C1orf198: variants seen among roughly 807,000 people sequenced by gnomAD.
The protein encoded by C1orf198 is uncharacterized protein C1orf198.
In C1orf198, 17 loss-of-function variants were observed where a neutral mutation model predicts 31.4. That is an observed-to-expected ratio of 0.54 (90% CI 0.37 to 0.81). The LOEUF (loss-of-function observed/expected upper bound fraction) is 0.81, where lower values mean the gene tolerates loss of function less well. Among genes scored for constraint, C1orf198 ranks in the 40% least tolerant of loss-of-function variants. The probability of loss-of-function intolerance (pLI) is 0.00; values close to 1 mark genes in which losing one functional copy is unlikely to be tolerated. For synonymous variants in C1orf198, 175 were observed against 193.8 expected (o/e 0.90, Z 0.81); for missense variants, 401 against 450.3 (o/e 0.89, Z 0.99).
intron 1 of C1orf198, among the ~76,000 whole-genome samples, chr1:230,863,738 C>T (rs1419976719): frequency 3.9e-5 from 6 of 152,172 alleles, no homozygotes; most frequent in East Asian, 3.9e-4. Flanking sequence ...CAGGCCCGAC[C>T]GCCCTCTCCT....
In C1orf198 at chr1:230,868,278, C is replaced by A. The variant is rs1268869080; in HGVS notation, c.235G>T (p.Ala79Ser). The change falls in exon 1 of 4, where the codon GCC becomes TCC. Residue 79 changes from alanine to serine, a missense_variant. Transcript: ENST00000366663. ...IIDRCLVGPR[A>S]PAPRDPGDSE... ...TCCCCGGGGTCTCGGGGCGCCGGGG[C>A]GCGCGGCCCCACCAGGCACCGGTCG... The A allele has an allele frequency of 1.9e-6, 3 of 1,587,300 alleles. No individual in the cohort carries two copies. The highest frequency in any genetic ancestry group is 2.6e-6 in the Non-Finnish European group (3 of 1,168,778).
At chr1:230,849,172 C>A (rs1228791748) in intron 2 of C1orf198, among the ~76,000 whole-genome samples, 2 of 152,344 alleles carry the variant, frequency 1.3e-5, no homozygotes, top group South Asian at 2.1e-4. Context: ...ACAGCCTAGA[C>A]TTTCCTAGAA....
chr1:230,848,511 T>C (rs1669650737), intron 2 of C1orf198, among the ~76,000 whole-genome samples: 1 of 152,136 alleles, frequency 6.6e-6, no homozygotes, highest in Admixed American at 6.5e-5. Flanking sequence ...CAGTTAAGTG[T>C]GTTGTGTATT....
At chr1:230,851,953 A>G (rs559873579) in intron 2 of C1orf198, among the ~76,000 whole-genome samples, 1 of 152,294 alleles carries the variant, frequency 6.6e-6, no homozygotes, top group South Asian at 2.1e-4. Flanking sequence ...TGGGTGAGAA[A>G]CCAAAAATCC....
chr1:230,847,095 T>C (rs1572129697), intron 2 of C1orf198, among the ~76,000 whole-genome samples: 2 of 92,782 alleles, frequency 2.2e-5, no homozygotes, highest in South Asian at 3.4e-4. Context: ...AGAGCGAGAC[T>C]CCGTCTCAAA....
At position 230,852,010 on chromosome 1, in the gene C1orf198, AC is replaced by A. The variant is rs1263008218; in HGVS notation, c.384+3657del. On this transcript the variant is annotated intron_variant, in intron 2 of 3. Coordinates refer to ENST00000366663, the MANE Select transcript of C1orf198 (RefSeq NM_032800.3). ...ATGGCCATGACCTTGGGTCAGGCTT[AC>A]CCTTGTGTAGGTAGATTCGTCAGGG... Among the ~76,000 whole-genome samples, 8 of 152,188 alleles carry A rather than the reference AC, an allele frequency of 5.3e-5. No homozygotes were observed. In the South Asian group the frequency reaches 8.3e-4, roughly 16 times the overall value.
chr1:230,856,301 G>A (rs1436039379), intron 1 of C1orf198, among the ~76,000 whole-genome samples: 2 of 152,188 alleles, frequency 1.3e-5, no homozygotes, highest in East Asian at 1.9e-4. Context: ...GAAGAAAAAC[G>A]CCAATGTAAT....
intron 3 of C1orf198, among the ~76,000 whole-genome samples, chr1:230,842,591 A>G (rs1392236882): frequency 6.6e-6 from 1 of 152,134 alleles, no homozygotes; most frequent in Non-Finnish European, 1.5e-5. Context: ...GGACTCGGGG[A>G]AAGAGTGGGA....
intron 2 of C1orf198, among the ~76,000 whole-genome samples, chr1:230,845,600 T>C (rs1031386375): frequency 3.3e-5 from 5 of 151,652 alleles, no homozygotes; most frequent in Admixed American, 6.6e-5. Context: ...GGAGAATCGC[T>C]TGAACCCGGG....
chr1:230,867,683 T>C (rs1315271224), intron 1 of C1orf198, among the ~76,000 whole-genome samples: 3 of 152,178 alleles, frequency 2.0e-5, no homozygotes, highest in African/African-American at 7.2e-5. Flanking sequence ...TCATCACAAG[T>C]ATTCATGTTA....
At chr1:230,849,934 C>T (rs1175986276) in intron 2 of C1orf198, among the ~76,000 whole-genome samples, 6 of 152,136 alleles carry the variant, frequency 3.9e-5, no homozygotes, top group Admixed American at 3.9e-4. Context: ...CAGGGACAAA[C>T]CCAGGGGCCC....
intron 2 of C1orf198, among the ~76,000 whole-genome samples, chr1:230,845,688 AAT>A (rs1376478344): frequency 8.0e-5 from 12 of 149,812 alleles, no homozygotes; most frequent in African/African-American, 3.1e-4. Context: ...CATTTCAAAA[AAT>A]AAAAGAAAAG....
intron 1 of C1orf198, among the ~76,000 whole-genome samples, chr1:230,865,372 C>T (rs114328050): frequency 0.011 from 1,632 of 152,296 alleles, 8 homozygotes; most frequent in Non-Finnish European, 0.015. Context: ...TGAAGCTATA[C>T]TTCCATGCTT....
chr1:230,858,704 G>C (rs560001574), intron 1 of C1orf198, among the ~76,000 whole-genome samples: 1 of 152,202 alleles, frequency 6.6e-6, no homozygotes, highest in Non-Finnish European at 1.5e-5. Flanking sequence ...GGCCAGGGTG[G>C]GGCATGATGG....
At chr1:230,866,434 A>C (rs1164037387) in intron 1 of C1orf198, among the ~76,000 whole-genome samples, 1 of 152,188 alleles carries the variant, frequency 6.6e-6, no homozygotes, top group Non-Finnish European at 1.5e-5. Flanking sequence ...GCACCACAGC[A>C]CGGCACAGTT....
chr1:230,866,457 A>C (rs1247994835), intron 1 of C1orf198, among the ~76,000 whole-genome samples: 1 of 152,212 alleles, frequency 6.6e-6, no homozygotes, highest in Non-Finnish European at 1.5e-5. Context: ...ACTTGCTTTT[A>C]AATCACATTG....
chr1:230,848,472 T>C (rs936178144), intron 2 of C1orf198, among the ~76,000 whole-genome samples: 1 of 152,184 alleles, frequency 6.6e-6, no homozygotes, highest in Non-Finnish European at 1.5e-5. Context: ...GTGTTTGCTC[T>C]AGTGTTCAAC....
intron 1 of C1orf198, among the ~76,000 whole-genome samples, chr1:230,863,043 CT>C (rs1425113920): frequency 6.6e-6 from 1 of 152,128 alleles, no homozygotes; most frequent in African/African-American, 2.4e-5. Context: ...AAAATATGTT[CT>C]TTTTTTACCA....
At chr1:230,850,489 A>T (rs1309707217) in intron 2 of C1orf198, among the ~76,000 whole-genome samples, 1 of 152,192 alleles carries the variant, frequency 6.6e-6, no homozygotes, top group Non-Finnish European at 1.5e-5. Flanking sequence ...GGAGCAAAAC[A>T]CTGAGGTCCA....
Sources: gnomAD v4.1 joint callset for allele counts (sites outside exome capture counted in the v4.1 genomes callset) on GRCh38, gnomAD v4.1.1 for gene constraint, MANE v1.5 for transcripts, NCBI Gene and HGNC (gene_info 2026-07-23, HGNC 2026-07-21) for gene names.